Variants in SGMS1 observed in about 807,000 individuals in gnomAD.
SGMS1 encodes sphingomyelin synthase 1.
In SGMS1, 13 loss-of-function variants were observed where a neutral mutation model predicts 46.2. The ratio of observed to expected loss-of-function variants is 0.28; its 90% confidence interval spans 0.18 to 0.45. The LOEUF is 0.45. Among genes scored for constraint, SGMS1 ranks in the 20% least tolerant of loss-of-function variants. The pLI, the probability that SGMS1 is intolerant of heterozygous loss-of-function variation, is 1.00. For missense variants in SGMS1, 324 were observed against 519.9 expected (o/e 0.62, Z 3.66); for synonymous variants, 203 against 187.8 (o/e 1.08, Z -0.66).
chr10:50,481,421 C>T (rs1837475920), intron 3 of SGMS1, among the ~76,000 whole-genome samples: 1 of 152,120 alleles, frequency 6.6e-6, no homozygotes, highest in African/African-American at 2.4e-5. Flanking sequence ...GAGTGGACCC[C>T]TAGCAAACCA....
intron 2 of SGMS1, among the ~76,000 whole-genome samples, chr10:50,544,036 G>A (rs971884231): frequency 6.6e-6 from 1 of 152,186 alleles, no homozygotes; most frequent in Middle Eastern, 3.4e-3. Context: ...AACATTCTGA[G>A]GAAGAAAAAC....
chr10:50,539,928 A>G (rs1838037446), intron 2 of SGMS1, among the ~76,000 whole-genome samples: 1 of 152,224 alleles, frequency 6.6e-6, no homozygotes, highest in African/African-American at 2.4e-5. Flanking sequence ...ATGTGTATAT[A>G]AAATTTACAT....
At chr10:50,331,055 C>G (rs1434870161) in intron 7 of SGMS1, among the ~76,000 whole-genome samples, 1 of 152,068 alleles carries the variant, frequency 6.6e-6, no homozygotes, top group African/African-American at 2.4e-5. Flanking sequence ...TGAAATAGCA[C>G]TAAGAATGGG....
intron 8 of SGMS1, among the ~76,000 whole-genome samples, chr10:50,317,340 C>T (rs555640834): frequency 3.3e-5 from 5 of 152,300 alleles, no homozygotes; most frequent in African/African-American, 1.2e-4. Flanking sequence ...TTTGTTTGTA[C>T]ACAGATTCCA....
chr10:50,348,251 A>G (rs904065803), intron 6 of SGMS1, among the ~76,000 whole-genome samples: 1 of 152,258 alleles, frequency 6.6e-6, no homozygotes. Flanking sequence ...GAAAACTGGC[A>G]TAAGACAAGG....
chr10:50,359,826 A>G (rs1379466131), intron 6 of SGMS1, among the ~76,000 whole-genome samples: 1 of 152,186 alleles, frequency 6.6e-6, no homozygotes, highest in Non-Finnish European at 1.5e-5. Context: ...GCTTTGTCAC[A>G]TAAACAGGTT....
At chr10:50,512,788 A>T (rs896948227) in intron 3 of SGMS1, among the ~76,000 whole-genome samples, 1 of 152,230 alleles carries the variant, frequency 6.6e-6, no homozygotes, top group African/African-American at 2.4e-5. Context: ...ATTCCAGCTC[A>T]TATTTCCAAA....
chr10:50,543,461 G>T (rs142065669), intron 2 of SGMS1, among the ~76,000 whole-genome samples: 197 of 152,334 alleles, frequency 1.3e-3, no homozygotes, highest in Middle Eastern at 6.8e-3. Flanking sequence ...AAGAGCGTAG[G>T]CTAAGAAACA....
chr10:50,611,106 C>T (rs926262115), intron 1 of SGMS1, among the ~76,000 whole-genome samples: 10 of 152,170 alleles, frequency 6.6e-5, no homozygotes, highest in East Asian at 1.9e-4. Context: ...CGACAACACA[C>T]GGCCAGAAAA....
In SGMS1 at chr10:50,344,168, A is replaced by C; in HGVS notation, c.-54T>G. On this transcript the variant is annotated 5_prime_UTR_variant, in exon 7 of 11. Coordinates refer to ENST00000361781, the MANE Select transcript of SGMS1 (RefSeq NM_147156.4). ...GCTCTCTCTTGGCAGGTCAGCAGTC[A>C]CTGTTCCGACAGGGCAGGACACTGT... is the stretch of plus-strand genomic sequence containing the variant. The C allele has an allele frequency of 2.6e-6, 4 of 1,535,798 alleles. No individual in the cohort carries two copies. Among genetic ancestry groups the C allele is most frequent in the Non-Finnish European group, 3.5e-6 (4 of 1,149,182 alleles).
chr10:50,597,875 G>A (rs1333669072), intron 1 of SGMS1, among the ~76,000 whole-genome samples: 5 of 151,984 alleles, frequency 3.3e-5, no homozygotes, highest in Non-Finnish European at 7.4e-5. Context: ...AGCCAGGCTT[G>A]GTGGTGAATG....
At chr10:50,339,548 T>C (rs971082325) in intron 7 of SGMS1, among the ~76,000 whole-genome samples, 2 of 152,242 alleles carry the variant, frequency 1.3e-5, no homozygotes, top group Non-Finnish European at 2.9e-5. Flanking sequence ...ATTCATTTAC[T>C]GCCTCCCTTA....
chr10:50,550,184 T>A (rs1838136513), intron 2 of SGMS1, among the ~76,000 whole-genome samples: 1 of 152,170 alleles, frequency 6.6e-6, no homozygotes, highest in African/African-American at 2.4e-5. Context: ...TTTAAGACAA[T>A]CTACTTTTTT....
At position 50,307,452 on chromosome 10, in the gene SGMS1, C is replaced by A. The variant is rs950019862; in HGVS notation, c.1063-131G>T. 1 of 694,810 alleles carries A rather than the reference C, an allele frequency of 1.4e-6. No individual in the cohort carries two copies. Among genetic ancestry groups the A allele is most frequent in the Non-Finnish European group, 2.4e-6 (1 of 420,636 alleles). The allele number at this position is 694,810 out of a possible 1,614,324, so 43.0% of individuals were successfully genotyped here. A position where few individuals can be genotyped will look rare whatever the true frequency, so the allele number is the denominator to read the frequency against. On this transcript the variant is annotated intron_variant, in intron 10 of 10. Transcript: ENST00000361781. This position sits in a 1 kb window ranked among gnomAD's most constrained non-coding sequence, Gnocchi z 4.2. The stretch of plus-strand genomic sequence containing the variant: ...TCCACCCACATATCCCAGCTTCTCT[C>A]TCTCATCACCATTCTACACTCCACA...
intron 2 of SGMS1, among the ~76,000 whole-genome samples, chr10:50,536,533 C>T (rs546346357): frequency 2.6e-5 from 4 of 152,230 alleles, no homozygotes; most frequent in Admixed American, 1.3e-4. Context: ...TGCTTAATTA[C>T]AAAAATAATT....
intron 3 of SGMS1, among the ~76,000 whole-genome samples, chr10:50,514,509 G>A (rs1026590854): frequency 2.0e-5 from 3 of 152,208 alleles, no homozygotes; most frequent in African/African-American, 4.8e-5. Flanking sequence ...TTCAGGATGT[G>A]CTCCCTATCT....
intron 6 of SGMS1, among the ~76,000 whole-genome samples, chr10:50,346,078 G>A (rs1003185978): frequency 6.6e-6 from 1 of 152,138 alleles, no homozygotes; most frequent in Non-Finnish European, 1.5e-5. Context: ...TTTGGCAGAA[G>A]ACGGACCACA....
chr10:50,548,728 A>C (rs1838122949), intron 2 of SGMS1, among the ~76,000 whole-genome samples: 1 of 152,210 alleles, frequency 6.6e-6, no homozygotes, highest in Non-Finnish European at 1.5e-5. Context: ...TAAACCAAAG[A>C]ACTTCTACAC....
chr10:50,604,799 C>A (rs1838680466), intron 1 of SGMS1, among the ~76,000 whole-genome samples: 1 of 152,056 alleles, frequency 6.6e-6, no homozygotes, highest in African/African-American at 2.4e-5. Context: ...CACATACACC[C>A]ATCAGTAAAA....
Sources: allele counts gnomAD v4.1 joint callset (sites outside exome capture counted in the v4.1 genomes callset), GRCh38; gene constraint gnomAD v4.1.1; non-coding constraint Gnocchi (gnomAD v3.1); transcripts MANE v1.5; gene names NCBI Gene and HGNC (gene_info 2026-07-23, HGNC 2026-07-21).